SLC25A12: variants seen among roughly 807,000 people sequenced by gnomAD.
SLC25A12 encodes the protein solute carrier family 25 member 12.
A neutral mutation model predicts 83.3 loss-of-function variants in SLC25A12; 32 were observed. The ratio of observed to expected loss-of-function variants is 0.38; its 90% CI spans 0.29 to 0.52. The LOEUF (loss-of-function observed/expected upper bound fraction) is 0.52, where lower values mean the gene tolerates loss of function less well. Ranked by LOEUF, SLC25A12 falls within the 20% of genes least tolerant of loss-of-function variation. The pLI, the probability that SLC25A12 is intolerant of heterozygous loss-of-function variation, is 0.84. For synonymous variants in SLC25A12, 267 were observed against 291.1 expected (o/e 0.92, Z 0.84); for missense variants, 611 against 835.6 (o/e 0.73, Z 3.31).
chr2:171,881,964 A>C (rs1362225545), intron 2 of SLC25A12, among the ~76,000 whole-genome samples: 2 of 152,310 alleles, frequency 1.3e-5, no homozygotes, highest in East Asian at 3.9e-4. Flanking sequence ...TTTCTTCTTC[A>C]GGGGTCCTAA....
chr2:171,796,498 A>G (rs1463313762), intron 13 of SLC25A12, among the ~76,000 whole-genome samples: 3 of 152,198 alleles, frequency 2.0e-5, no homozygotes, highest in African/African-American at 4.8e-5. Flanking sequence ...AATGATTTGT[A>G]TATGTTTTAA....
At chr2:171,819,325 A>C (rs1684126735) in intron 9 of SLC25A12, among the ~76,000 whole-genome samples, 1 of 121,396 alleles carries the variant, frequency 8.2e-6, no homozygotes, top group Admixed American at 9.9e-5. Flanking sequence ...ATAATACATA[A>C]TATATAATTA....
intron 15 of SLC25A12, among the ~76,000 whole-genome samples, chr2:171,789,865 G>A (rs1043170583): frequency 2.6e-5 from 4 of 151,908 alleles, no homozygotes; most frequent in Non-Finnish European, 5.9e-5. Context: ...CTGCACTCCA[G>A]CCTGGGTGAC....
At chr2:171,832,429 G>C (rs1558923707) in intron 8 of SLC25A12, among the ~76,000 whole-genome samples, 1 of 152,122 alleles carries the variant, frequency 6.6e-6, no homozygotes, top group Non-Finnish European at 1.5e-5. Flanking sequence ...GTTCACCATA[G>C]ACAACAATTT....
intron 3 of SLC25A12, among the ~76,000 whole-genome samples, chr2:171,858,893 G>A (rs1488577146): frequency 6.6e-6 from 1 of 152,160 alleles, no homozygotes; most frequent in African/African-American, 2.4e-5. Flanking sequence ...GTTTAAAATA[G>A]AAAGTCTATG....
At chr2:171,845,804 G>C (rs1684785572) in intron 4 of SLC25A12, 2 of 455,156 alleles carry the variant, frequency 4.4e-6, no homozygotes, top group Non-Finnish European at 8.8e-6. Flanking sequence ...GATGTCACTG[G>C]GGAGATGGGA....
intron 2 of SLC25A12, among the ~76,000 whole-genome samples, chr2:171,870,321 T>C (rs1252991303): frequency 2.0e-5 from 3 of 152,222 alleles, no homozygotes; most frequent in Non-Finnish European, 2.9e-5. Context: ...CAAATATTAA[T>C]TTAATAAAAA....
At chr2:171,843,872 T>G (rs1015861260) in intron 5 of SLC25A12, among the ~76,000 whole-genome samples, 12 of 141,974 alleles carry the variant, frequency 8.5e-5, no homozygotes, top group African/African-American at 2.8e-4. Flanking sequence ...CCCAGCTCAC[T>G]GCAAGCTCCG....
intron 4 of SLC25A12, among the ~76,000 whole-genome samples, chr2:171,850,701 T>A (rs533908756): frequency 2.4e-4 from 37 of 152,180 alleles, no homozygotes; most frequent in Non-Finnish European, 4.6e-4. Flanking sequence ...CCTCAGGTGA[T>A]CCTCCCGCCT....
At chr2:171,869,294 A>G (rs1482303894) in intron 2 of SLC25A12, among the ~76,000 whole-genome samples, 1 of 152,258 alleles carries the variant, frequency 6.6e-6, no homozygotes, top group Non-Finnish European at 1.5e-5. Context: ...TTTTTTAAAA[A>G]ACACTGAATT....
At chr2:171,867,689 C>T (rs968721827) in intron 3 of SLC25A12, among the ~76,000 whole-genome samples, 3 of 152,140 alleles carry the variant, frequency 2.0e-5, no homozygotes, top group Non-Finnish European at 2.9e-5. Context: ...AAGACCATTA[C>T]ACTAACCCGT....
chr2:171,879,561 A>C (rs900532117), intron 2 of SLC25A12, among the ~76,000 whole-genome samples: 4 of 152,244 alleles, frequency 2.6e-5, no homozygotes, highest in African/African-American at 9.6e-5. Flanking sequence ...TGGAAATAAA[A>C]TAATGACCCA....
intron 14 of SLC25A12, among the ~76,000 whole-genome samples, chr2:171,793,120 TTTG>T (rs1683517640): frequency 2.0e-5 from 3 of 151,396 alleles, no homozygotes. Context: ...CTGTTGTTGG[TTTG>T]TTTTTTTTTT....
At chr2:171,872,817 A>C (rs1292860011) in intron 2 of SLC25A12, among the ~76,000 whole-genome samples, 3 of 152,154 alleles carry the variant, frequency 2.0e-5, no homozygotes, top group Non-Finnish European at 4.4e-5. Context: ...CAAAACAAAA[A>C]CACAAAAATC....
chr2:171,844,329 A>T, intron 5 of SLC25A12, 40 bp downstream of exon 5: 1 of 1,595,660 alleles, frequency 6.3e-7, no homozygotes, highest in Non-Finnish European at 8.6e-7. Context: ...GACACAGAAG[A>T]ATAGTATATA....
chr2:171,850,656 C>T (rs1416394301), intron 4 of SLC25A12, among the ~76,000 whole-genome samples: 1 of 151,930 alleles, frequency 6.6e-6, no homozygotes, highest in African/African-American at 2.4e-5. Context: ...TGAGCCACTG[C>T]ACCCGGCCCA....
rs1684140778 is a variant in SLC25A12 at position 171,819,513 on chromosome 2, T to C, written c.931-4311A>G. Among the ~76,000 whole-genome samples, 3 of 142,778 alleles carry C rather than the reference T, an allele frequency of 2.1e-5. No homozygotes were observed. The East Asian group carries it at 6.0e-4, about 28-fold the overall frequency. 93.7% of individuals were successfully genotyped at this position (142,778 alleles called of 152,430 possible). On this transcript the variant is annotated intron_variant, in intron 9 of 17. Coordinates refer to ENST00000422440, the MANE Select transcript of SLC25A12 (RefSeq NM_003705.5). ...TTTCCCCTGAATGCTAAACAATACA[T>C]ATTTTTCTCTCAGCAAAAAGGGAGT...
chr2:171,857,047 T>C (rs1685061281), intron 3 of SLC25A12, among the ~76,000 whole-genome samples: 1 of 152,226 alleles, frequency 6.6e-6, no homozygotes, highest in Non-Finnish European at 1.5e-5. Context: ...TTATTCTCTG[T>C]GTTATACATG....
intron 2 of SLC25A12, among the ~76,000 whole-genome samples, chr2:171,877,001 T>C (rs1014365903): frequency 3.9e-5 from 6 of 152,216 alleles, no homozygotes; most frequent in East Asian, 1.9e-4. Flanking sequence ...ACTCAAGTAT[T>C]TGAAATGTAA....
Sources: gnomAD v4.1 joint callset for allele counts (sites outside exome capture counted in the v4.1 genomes callset) on GRCh38, gnomAD v4.1.1 for gene constraint, MANE v1.5 for transcripts, NCBI Gene and HGNC (gene_info 2026-07-23, HGNC 2026-07-21) for gene names.